Variants in ZNF644 observed in about 807,000 individuals in gnomAD.
ZNF644 encodes the protein zinc finger protein 644.
In ZNF644, 20 loss-of-function variants were observed where a neutral mutation model predicts 108.0. The observed-to-expected ratio is 0.19, with a 90% CI of 0.13 to 0.27. The LOEUF (loss-of-function observed/expected upper bound fraction) is 0.27. Ranked by LOEUF, ZNF644 falls within the 10% of genes least tolerant of loss-of-function variation. The pLI is 1.00. For missense variants in ZNF644, 1,338 were observed against 1,548.9 expected (o/e 0.86, Z 2.29); for synonymous variants, 542 against 539.1 (o/e 1.01, Z -0.08).
At chr1:90,974,710 A>G (rs1324100648) in intron 2 of ZNF644, among the ~76,000 whole-genome samples, 1 of 152,192 alleles carries the variant, frequency 6.6e-6, no homozygotes, top group Admixed American at 6.5e-5. Context: ...CATGCTCCCC[A>G]TACTAACTAG....
Position 90,940,717 on chromosome 1 carries a change from T to C in ZNF644, c.637A>G (p.Lys213Glu). ...TGATTTATTAAAGTGCCATCTGACT[T>C]TATATTACTCCCTACTGAATTCTGA... is the stretch of plus-strand genomic sequence containing the variant. ...DIQNSVGSNI[K>E]SDGTLINQVE... The change falls in exon 3 of 6, where the codon AAG (lysine) becomes GAG (glutamate). Residue 213 changes from lysine (K) to glutamate (E), a missense_variant. By Grantham distance (56) the Lys-to-Glu change is moderately conservative. Transcript: ENST00000337393. The C allele has an allele frequency of 6.2e-7, 1 of 1,614,078 alleles. No homozygotes were observed. The highest frequency in any genetic ancestry group is 8.5e-7 in the Non-Finnish European group (1 of 1,179,988).
chr1:90,958,626 G>C (rs966584514), intron 2 of ZNF644, among the ~76,000 whole-genome samples: 13 of 152,250 alleles, frequency 8.5e-5, no homozygotes, highest in African/African-American at 3.1e-4. Context: ...TAGACATACA[G>C]ATCAATGGAA....
chr1:90,959,596 A>C (rs1426944449), intron 2 of ZNF644, among the ~76,000 whole-genome samples: 2 of 152,144 alleles, frequency 1.3e-5, no homozygotes, highest in East Asian at 1.9e-4. Flanking sequence ...CAACTTGCCA[A>C]GTAAAAGAAG....
At chr1:90,937,360 T>TAAAA in intron 4 of ZNF644, 125 bp downstream of exon 4, 3 of 1,132,734 alleles carry the variant, frequency 2.6e-6, no homozygotes, top group African/African-American at 1.6e-5. Flanking sequence ...CTGTGCTCTG[T>TAAAA]AAAAAAAAAA....
At chr1:90,984,763 C>T (rs1656926634) in intron 1 of ZNF644, among the ~76,000 whole-genome samples, 2 of 152,104 alleles carry the variant, frequency 1.3e-5, no homozygotes, top group African/African-American at 2.4e-5. Context: ...AAGAGAGATG[C>T]CTCAGGAGAA....
At chr1:90,981,456 A>G (rs1209436409) in intron 2 of ZNF644, among the ~76,000 whole-genome samples, 1 of 152,052 alleles carries the variant, frequency 6.6e-6, no homozygotes, top group Non-Finnish European at 1.5e-5. Context: ...TTACTGAACT[A>G]CAGCACTTTT....
chr1:90,997,471 G>A lies in ZNF644; in HGVS notation c.-17-15101C>T, dbSNP rs116224185. Reference sequence around the variant, plus strand: ...AAAAATCACTAAAATAACAAACAACGCTGGGGCAGAGAGGAGAATCTGATT... The same window carrying A: ...AAAAATCACTAAAATAACAAACAACACTGGGGCAGAGAGGAGAATCTGATT... On this transcript the variant is annotated intron_variant, in intron 1 of 5. Coordinates refer to ENST00000337393, the MANE Select transcript of ZNF644 (RefSeq NM_201269.3). Among the ~76,000 whole-genome samples the A allele has an allele frequency of 1.7e-3, 256 of 152,066 alleles. 2 individuals carry two copies. The highest frequency in any genetic ancestry group is 6.1e-3 in the African/African-American group (251 of 41,470).
intron 1 of ZNF644, among the ~76,000 whole-genome samples, chr1:90,982,901 C>T (rs1212515548): frequency 2.0e-5 from 3 of 151,938 alleles, no homozygotes; most frequent in African/African-American, 4.8e-5. Context: ...TGCCAAGCAT[C>T]ATTATTCTAG....
intron 2 of ZNF644, among the ~76,000 whole-genome samples, chr1:90,971,672 A>G (rs987332404): frequency 6.6e-6 from 1 of 152,002 alleles, no homozygotes; most frequent in Non-Finnish European, 1.5e-5. Flanking sequence ...TACACCTCGG[A>G]TCCCAAAGTG....
At chr1:90,967,814 G>C (rs1457785238) in intron 2 of ZNF644, among the ~76,000 whole-genome samples, 1 of 151,010 alleles carries the variant, frequency 6.6e-6, no homozygotes, top group African/African-American at 2.4e-5. Context: ...TTGGGAGGTA[G>C]AGGTGGGTGG....
At chr1:91,006,766 TCTC>T (rs374944689) in intron 1 of ZNF644, among the ~76,000 whole-genome samples, 337 of 151,968 alleles carry the variant, frequency 2.2e-3, no homozygotes, top group African/African-American at 8.0e-3. Context: ...TCTTCACTCT[TCTC>T]CTGTAATGCA....
At chr1:91,015,736 A>T (rs911749708) in intron 1 of ZNF644, among the ~76,000 whole-genome samples, 1 of 152,330 alleles carries the variant, frequency 6.6e-6, no homozygotes, top group South Asian at 2.1e-4. Flanking sequence ...CACTTCCTCT[A>T]TAACAACCTT....
In ZNF644 at chr1:90,976,525, T is replaced by C. The variant is rs1332414438; in HGVS notation, c.44+5785A>G. 5.9e-5 allele frequency among the ~76,000 whole-genome samples: 9 copies of C among 152,234 alleles called. No individual in the cohort carries two copies. In the South Asian group the frequency reaches 1.0e-3, roughly 18 times the overall value. Reference sequence around the variant, plus strand: ...TCTTTGGTCTGAAGGAGCAGTTTTATGGTTTCCTGTTCACATATTGGAATG... The same window carrying C: ...TCTTTGGTCTGAAGGAGCAGTTTTACGGTTTCCTGTTCACATATTGGAATG... On this transcript the variant is annotated intron_variant, in intron 2 of 5. Coordinates refer to ENST00000337393, the MANE Select transcript of ZNF644 (RefSeq NM_201269.3).
intron 2 of ZNF644, among the ~76,000 whole-genome samples, chr1:90,955,106 C>T (rs1653619562): frequency 6.6e-6 from 1 of 152,164 alleles, no homozygotes; most frequent in Admixed American, 6.5e-5. Flanking sequence ...CTTGGATGAC[C>T]AGGTGCATTG....
chr1:90,943,952 G>T (rs932387047), intron 2 of ZNF644, among the ~76,000 whole-genome samples: 3 of 152,210 alleles, frequency 2.0e-5, no homozygotes, highest in Non-Finnish European at 4.4e-5. Context: ...AAACTAGCTT[G>T]AAAGACAGTT....
In ZNF644 at chr1:90,915,925, T is replaced by C. The variant is rs765044003; in HGVS notation, c.*873A>G. 3.3e-5 allele frequency: 5 copies of C among 152,548 alleles called. No individual in the cohort carries two copies. The highest frequency in any genetic ancestry group is 5.9e-5 in the Non-Finnish European group (4 of 67,968). 9.4% of individuals were successfully genotyped at this position (152,548 alleles called of 1,614,324 possible). ...TTAAATAAAGTAAGAGGCAAACCTG[T>C]CCTGTAAGCATGTCAAATTTTAGGT... On this transcript the variant is annotated 3_prime_UTR_variant, in exon 6 of 6. Coordinates refer to ENST00000337393, the MANE Select transcript of ZNF644 (RefSeq NM_201269.3).
At chr1:90,967,463 A>T (rs927433470) in intron 2 of ZNF644, among the ~76,000 whole-genome samples, 10 of 152,290 alleles carry the variant, frequency 6.6e-5, no homozygotes, top group Admixed American at 5.2e-4. Context: ...GTTCCAAAAC[A>T]TAAAACATAA....
rs145151494 is a variant in ZNF644, at chr1:90,960,192, G to C, written c.45-18883C>G. Among the ~76,000 whole-genome samples, 1,051 of 152,098 alleles carry C rather than the reference G, an allele frequency of 6.9e-3. 16 individuals are homozygous for C. The highest frequency in any genetic ancestry group is 0.024 in the African/African-American group (986 of 41,492). On this transcript the variant is annotated intron_variant, in intron 2 of 5. Coordinates refer to ENST00000337393, the MANE Select transcript of ZNF644 (RefSeq NM_201269.3). ...GTAAGCCGTTTCCTTTACATAAAAA[G>C]GTGAAAGTTCTCAATAAGAAGAGAA...
At chr1:90,977,564 C>T (rs575913953) in intron 2 of ZNF644, among the ~76,000 whole-genome samples, 1 of 152,278 alleles carries the variant, frequency 6.6e-6, no homozygotes, top group East Asian at 1.9e-4. Flanking sequence ...TACCACTTTC[C>T]ACCAATTAGA....
Sources: gnomAD v4.1 joint callset for allele counts (sites outside exome capture counted in the v4.1 genomes callset) on GRCh38, gnomAD v4.1.1 for gene constraint, MANE v1.5 for transcripts, NCBI Gene and HGNC (gene_info 2026-07-23, HGNC 2026-07-21) for gene names.